Variants in IL1RAPL1 observed in about 807,000 individuals in gnomAD.
IL1RAPL1 encodes interleukin-1 receptor accessory protein-like 1.
Under a neutral mutation model 48.4 loss-of-function variants are expected in IL1RAPL1, and 3 were observed. The ratio of observed to expected loss-of-function variants is 0.06; its 90% CI spans 0.03 to 0.16. The LOEUF (loss-of-function observed/expected upper bound fraction) is 0.16. Ranked by LOEUF, IL1RAPL1 falls within the 10% of genes least tolerant of loss-of-function variation. IL1RAPL1 has a pLI of 1.00. For synonymous variants in IL1RAPL1, 185 were observed against 187.7 expected (o/e 0.99, Z 0.12); for missense variants, 349 against 530.6 (o/e 0.66, Z 3.36).
chrX:29,073,813 C>G (rs1163667885), intron 2 of IL1RAPL1, among the ~76,000 whole-genome samples: 1 of 111,274 alleles, frequency 9.0e-6, no homozygotes, highest in Non-Finnish European at 1.9e-5. Flanking sequence ...CCCAACAACC[C>G]TTCAGTGTGG....
intron 6 of IL1RAPL1, among the ~76,000 whole-genome samples, chrX:29,897,760 A>G (rs1569197157): frequency 8.9e-6 from 1 of 111,806 alleles, no homozygotes; most frequent in African/African-American, 3.3e-5. Flanking sequence ...TCGCTAATCT[A>G]TAATCTAATC....
At chrX:28,686,908 A>G (rs1295980572) in intron 1 of IL1RAPL1, among the ~76,000 whole-genome samples, 2 of 111,919 alleles carry the variant, frequency 1.8e-5, no homozygotes, top group Non-Finnish European at 3.8e-5. Flanking sequence ...AATATGAGGA[A>G]GTCTGACAAA....
At chrX:29,628,034 T>A (rs1342811515) in intron 5 of IL1RAPL1, among the ~76,000 whole-genome samples, 2 of 112,406 alleles carry the variant, frequency 1.8e-5, no homozygotes. Flanking sequence ...TGCTTATCTG[T>A]TATCTTTACA....
chrX:29,950,983 T>C (rs1933307709), intron 9 of IL1RAPL1, among the ~76,000 whole-genome samples: 1 of 111,561 alleles, frequency 9.0e-6, no homozygotes, highest in Admixed American at 9.5e-5. Flanking sequence ...TGGCCAACCC[T>C]AATGTCTTTT....
chrX:29,501,825 G>T (rs6628435), intron 5 of IL1RAPL1, among the ~76,000 whole-genome samples: 2 of 94,642 alleles, frequency 2.1e-5, no homozygotes, highest in African/African-American at 4.1e-5. Context: ...AGTTCCATGT[G>T]AATTTTAAGT....
intron 2 of IL1RAPL1, among the ~76,000 whole-genome samples, chrX:29,066,705 G>A (rs190921072): frequency 3.7e-4 from 41 of 112,064 alleles, no homozygotes; most frequent in Admixed American, 3.2e-3. Context: ...AGCACCTCCA[G>A]TATTCTCAGC....
intron 1 of IL1RAPL1, among the ~76,000 whole-genome samples, chrX:28,727,128 A>G (rs1180087245): frequency 9.0e-6 from 1 of 111,319 alleles, no homozygotes; most frequent in Non-Finnish European, 1.9e-5. Flanking sequence ...CTTGGGCAGT[A>G]TGGCCATTTT....
intron 1 of IL1RAPL1, among the ~76,000 whole-genome samples, chrX:28,654,598 C>T (rs1212159293): frequency 8.9e-6 from 1 of 112,043 alleles, no homozygotes; most frequent in African/African-American, 3.2e-5. Flanking sequence ...TTGTGTTTGT[C>T]AAGATTATGT....
chrX:29,129,044 T>C (rs1042617686), intron 2 of IL1RAPL1, among the ~76,000 whole-genome samples: 8 of 98,602 alleles, frequency 8.1e-5, no homozygotes, highest in Non-Finnish European at 1.6e-4. Flanking sequence ...AGAATCTTTT[T>C]TTTTTTTTTT....
At chrX:28,819,591 T>A (rs184237952) in intron 2 of IL1RAPL1, among the ~76,000 whole-genome samples, 1 of 110,641 alleles carries the variant, frequency 9.0e-6, no homozygotes, top group East Asian at 2.9e-4. Context: ...GAAATAGGAA[T>A]TCATCACTGG....
At position 29,954,595 on chromosome X, in the gene IL1RAPL1, A is replaced by G. The variant is rs752057311; in HGVS notation, c.1275A>G (p.Glu425=). The change falls in exon 10 of 11, where the codon GAA becomes GAG. Residue 425 remains glutamate (E), a synonymous_variant. Coordinates refer to ENST00000378993, the MANE Select transcript of IL1RAPL1 (RefSeq NM_014271.4). ...ACCAGTGGAATCAAGAGACTGGGGA[A>G]GAAGAACGTTTTGCCCTTGAAATCC... The part of the protein sequence containing the change: ...DPDQWNQETG[E]EERFALEILP... 8.3e-7 allele frequency: 1 copy of G among 1,201,664 alleles called. No individual in the cohort carries two copies. Among genetic ancestry groups the G allele is most frequent in the African/African-American group, 1.8e-5 (1 of 57,142 alleles).
At chrX:29,013,209 A>AC (rs1292429059) in intron 2 of IL1RAPL1, among the ~76,000 whole-genome samples, 1 of 110,494 alleles carries the variant, frequency 9.1e-6, no homozygotes, top group Admixed American at 9.6e-5. Flanking sequence ...AAAAAAAAAA[A>AC]AAACAATAGA....
intron 2 of IL1RAPL1, among the ~76,000 whole-genome samples, chrX:29,135,618 G>C (rs1485851921): frequency 8.9e-6 from 1 of 112,237 alleles, no homozygotes; most frequent in Non-Finnish European, 1.9e-5. Context: ...CACTATGTTA[G>C]CCTCATGATA....
intron 3 of IL1RAPL1, among the ~76,000 whole-genome samples, chrX:29,339,112 A>ACACACG (rs1206743455): frequency 2.7e-5 from 3 of 109,286 alleles, no homozygotes; most frequent in Admixed American, 9.9e-5. Context: ...ACACACACAC[A>ACACACG]CGCACACACT....
chrX:29,938,631 CTAAG>C (rs1211342160), intron 8 of IL1RAPL1, among the ~76,000 whole-genome samples: 2 of 112,446 alleles, frequency 1.8e-5, no homozygotes, highest in Admixed American at 1.9e-4. Flanking sequence ...GCGTGTAGCT[CTAAG>C]TGTTTGGCTA....
At chrX:29,275,100 G>T (rs761661812) in intron 2 of IL1RAPL1, among the ~76,000 whole-genome samples, 2 of 111,072 alleles carry the variant, frequency 1.8e-5, no homozygotes, top group East Asian at 2.8e-4. Flanking sequence ...ATAACACTTC[G>T]TTTGCAGACA....
chrX:29,381,068 A>G (rs1382740647), intron 3 of IL1RAPL1, among the ~76,000 whole-genome samples: 1 of 111,233 alleles, frequency 9.0e-6, no homozygotes, highest in Non-Finnish European at 1.9e-5. Context: ...AGAAAAACAG[A>G]TGAGTCTGTG....
chrX:29,427,176 A>T (rs1020131459), intron 5 of IL1RAPL1, among the ~76,000 whole-genome samples: 27 of 111,718 alleles, frequency 2.4e-4, no homozygotes, highest in Non-Finnish European at 1.5e-4. Flanking sequence ...GCTGAGCTTA[A>T]GTGTTCCTGT....
intron 5 of IL1RAPL1, among the ~76,000 whole-genome samples, chrX:29,415,551 C>T (rs891778503): frequency 9.0e-6 from 1 of 110,784 alleles, no homozygotes; most frequent in Non-Finnish European, 1.9e-5. Flanking sequence ...TCCCAAGTAG[C>T]TGGGATTACA....
Sources: allele counts gnomAD v4.1 joint callset (sites outside exome capture counted in the v4.1 genomes callset), GRCh38; gene constraint gnomAD v4.1.1; transcripts MANE v1.5; gene names NCBI Gene and HGNC (gene_info 2026-07-23, HGNC 2026-07-21).